NHSL2: variants seen among roughly 807,000 people sequenced by gnomAD.
The protein encoded by NHSL2 is NHS like 2.
NHSL2 carries 27 observed loss-of-function variants against 53.4 expected under a neutral mutation model. That is an observed-to-expected ratio of 0.51 (90% confidence interval 0.37 to 0.70). NHSL2 has a LOEUF of 0.70. NHSL2 is among the 30% of genes least tolerant of loss of function. The pLI is 0.00. For synonymous variants in NHSL2, 408 were observed against 404.1 expected (o/e 1.01, Z -0.12); for missense variants, 892 against 980.1 (o/e 0.91, Z 1.20).
At chrX:71,951,005 T>TACACACACACACACACACACACACACAC (rs10527333) in intron 1 of NHSL2, among the ~76,000 whole-genome samples, 8 of 89,762 alleles carry the variant, frequency 8.9e-5, no homozygotes, top group African/African-American at 3.4e-4. Flanking sequence ...AAATACAAAA[T>TACACACACACACACACACACACACACAC]ACACACACAC....
chrX:71,914,550 C>A (rs2041619116), intron 1 of NHSL2, among the ~76,000 whole-genome samples: 1 of 112,212 alleles, frequency 8.9e-6, no homozygotes, highest in Non-Finnish European at 1.9e-5. Flanking sequence ...TTGCTTCTTA[C>A]AATTATTTTG....
chrX:72,005,526 C>G (rs934443770), intron 1 of NHSL2, among the ~76,000 whole-genome samples: 1 of 111,907 alleles, frequency 8.9e-6, no homozygotes, highest in Non-Finnish European at 1.9e-5. Context: ...TTTGAACAAC[C>G]AGAGATGCCT....
chrX:72,100,711 T>G (rs761408197), intron 1 of NHSL2, among the ~76,000 whole-genome samples: 1 of 112,474 alleles, frequency 8.9e-6, no homozygotes, highest in African/African-American at 3.2e-5. Context: ...AGAATCTAAC[T>G]AATGCCTGAT....
chrX:71,976,322 A>C (rs764903323), intron 1 of NHSL2, among the ~76,000 whole-genome samples: 21 of 112,045 alleles, frequency 1.9e-4, no homozygotes, highest in African/African-American at 6.5e-4. Context: ...TACCTGCAAA[A>C]TAGGAAAAAT....
intron 1 of NHSL2, among the ~76,000 whole-genome samples, chrX:71,937,084 G>T (rs183821014): frequency 1.7e-4 from 19 of 112,047 alleles, no homozygotes; most frequent in African/African-American, 5.8e-4. Flanking sequence ...AGCTCTTTTT[G>T]ACCTCAAACT....
chrX:72,099,056 G>A, intron 1 of NHSL2, among the ~76,000 whole-genome samples: 1 of 111,532 alleles, frequency 9.0e-6, no homozygotes, highest in Admixed American at 9.5e-5. Context: ...CTTCTTAATG[G>A]CTGCATATCA....
intron 1 of NHSL2, among the ~76,000 whole-genome samples, chrX:71,942,968 CTCTCTGTGTGTGTGTG>C (rs1437638509): frequency 1.0e-4 from 2 of 19,584 alleles, no homozygotes; most frequent in African/African-American, 2.8e-4. Context: ...CTCTCTCTCT[CTCTCTGTGTGTGTGTG>C]TGTGTGTGTG....
At chrX:72,050,023 C>T (rs1293104893) in intron 1 of NHSL2, among the ~76,000 whole-genome samples, 1 of 107,920 alleles carries the variant, frequency 9.3e-6, no homozygotes, top group East Asian at 2.9e-4. Context: ...TTCGATTTCA[C>T]CATTCTTCTC....
intron 1 of NHSL2, among the ~76,000 whole-genome samples, chrX:72,063,418 C>T (rs1185535068): frequency 8.9e-6 from 1 of 111,906 alleles, no homozygotes; most frequent in Non-Finnish European, 1.9e-5. Context: ...AAAAAAGCCA[C>T]ACACGTTGAT....
chrX:72,058,595 G>A (rs1279102906), intron 1 of NHSL2, among the ~76,000 whole-genome samples: 1 of 111,658 alleles, frequency 9.0e-6, no homozygotes, highest in Non-Finnish European at 1.9e-5. Context: ...CACCCATCTC[G>A]GCATCCCAAA....
intron 1 of NHSL2, among the ~76,000 whole-genome samples, chrX:71,947,726 T>G (rs931608076): frequency 1.8e-5 from 2 of 112,360 alleles, no homozygotes; most frequent in Non-Finnish European, 3.8e-5. Flanking sequence ...GAACACACTG[T>G]CTTCGACACT....
chrX:72,106,232 C>A (rs971637275), intron 1 of NHSL2, among the ~76,000 whole-genome samples: 3 of 109,177 alleles, frequency 2.7e-5, no homozygotes, highest in African/African-American at 1.0e-4. Flanking sequence ...AACTTGAATT[C>A]ATTCATTCAT....
At chrX:72,031,076 A>G (rs1055379377) in intron 1 of NHSL2, among the ~76,000 whole-genome samples, 1 of 112,093 alleles carries the variant, frequency 8.9e-6, no homozygotes, top group Admixed American at 9.4e-5. Context: ...TCCCTCAAGG[A>G]GCTTACATAA....
chrX:71,993,045 C>A (rs959975955), intron 1 of NHSL2, among the ~76,000 whole-genome samples: 1 of 112,398 alleles, frequency 8.9e-6, no homozygotes, highest in African/African-American at 3.2e-5. Context: ...CCAGTGTCAG[C>A]TAGATGGGAG....
intron 1 of NHSL2, among the ~76,000 whole-genome samples, chrX:72,043,010 A>G (rs1340282654): frequency 9.0e-6 from 1 of 111,206 alleles, no homozygotes; most frequent in East Asian, 2.8e-4. Flanking sequence ...CCAGGCCTGG[A>G]CTAGGTATGT....
At chrX:72,036,080 A>G (rs1251869823) in intron 1 of NHSL2, among the ~76,000 whole-genome samples, 1 of 112,019 alleles carries the variant, frequency 8.9e-6, no homozygotes, top group Non-Finnish European at 1.9e-5. Context: ...GTTTCATCCC[A>G]AAACCATCCC....
intron 1 of NHSL2, among the ~76,000 whole-genome samples, chrX:72,094,320 A>G (rs1451981080): frequency 9.0e-6 from 1 of 111,594 alleles, no homozygotes; most frequent in African/African-American, 3.3e-5. Flanking sequence ...GATGCAATTT[A>G]TACAGTTTAA....
intron 1 of NHSL2, among the ~76,000 whole-genome samples, chrX:72,058,517 G>T (rs1170316155): frequency 9.0e-6 from 1 of 111,526 alleles, no homozygotes; most frequent in Non-Finnish European, 1.9e-5. Flanking sequence ...GCTAATTTTT[G>T]TATTTTTCAT....
chrX:71,942,503 A>T (rs1308018928), intron 1 of NHSL2, among the ~76,000 whole-genome samples: 1 of 112,167 alleles, frequency 8.9e-6, no homozygotes, highest in African/African-American at 3.2e-5. Flanking sequence ...GTGAAACATG[A>T]AATAATTTCA....
Sources: gnomAD v4.1 joint callset for allele counts (sites outside exome capture counted in the v4.1 genomes callset) on GRCh38, gnomAD v4.1.1 for gene constraint, MANE v1.5 for transcripts, NCBI Gene and HGNC (gene_info 2026-07-23, HGNC 2026-07-21) for gene names.